Variants in ARHGAP22 observed in about 807,000 individuals in gnomAD.
ARHGAP22 encodes Rho GTPase activating protein 22, also known as rho GTPase-activating protein 22.
A neutral mutation model predicts 59.1 loss-of-function variants in ARHGAP22; 48 were observed. That is an observed-to-expected ratio of 0.81 (90% CI 0.64 to 1.03). The LOEUF (loss-of-function observed/expected upper bound fraction) is 1.03. Ranked by LOEUF, ARHGAP22 falls within the 50% of genes least tolerant of loss-of-function variation. The pLI, the probability that ARHGAP22 is intolerant of heterozygous loss-of-function variation, is 0.00. For synonymous variants in ARHGAP22, 445 were observed against 416.4 expected, an observed-to-expected ratio of 1.07 and a Z score of -0.84; for missense variants, 1,015 against 958.7, an observed-to-expected ratio of 1.06 and a Z score of -0.78.
chr10:48,447,411 G>A (rs1404129106), intron 9 of ARHGAP22, among the ~76,000 whole-genome samples: 3 of 152,222 alleles, frequency 2.0e-5, no homozygotes, highest in Non-Finnish European at 4.4e-5. Context: ...GTGAAATGCA[G>A]AGGGTAACTG....
At chr10:48,577,803 T>C (rs1053240844) in intron 2 of ARHGAP22, among the ~76,000 whole-genome samples, 2,908 of 34,520 alleles carry the variant, frequency 0.084, 208 homozygotes, top group African/African-American at 0.24. Flanking sequence ...CTTTTTTGGT[T>C]TTTTTTTTTT....
In ARHGAP22 at chr10:48,550,417, C is replaced by T. The variant is rs190300790; in HGVS notation, c.322+5046G>A. Among the ~76,000 whole-genome samples, 8 of 152,334 alleles carry T rather than the reference C, an allele frequency of 5.3e-5. No individual in the cohort carries two copies. The East Asian group carries it at 1.5e-3, about 29-fold the overall frequency. ...CTGACTGTTCACCAAACCAGCCTTG[C>T]CTTCCTCCTGGAAAGAGGTGGACTC... On this transcript the variant is annotated intron_variant, in intron 3 of 9. Coordinates refer to ENST00000249601, the MANE Select transcript of ARHGAP22 (RefSeq NM_021226.4).
intron 1 of ARHGAP22, among the ~76,000 whole-genome samples, chr10:48,587,478 C>CT (rs769648540): frequency 2.6e-5 from 4 of 152,112 alleles, no homozygotes; most frequent in South Asian, 2.1e-4. Context: ...AGTGCCTGGG[C>CT]TTTTTTTTGT....
At chr10:48,509,372 G>A (rs1048407767) in intron 3 of ARHGAP22, among the ~76,000 whole-genome samples, 38 of 152,380 alleles carry the variant, frequency 2.5e-4, no homozygotes, top group African/African-American at 9.1e-4. Flanking sequence ...GCAGAGGCCA[G>A]AACAGGATGC....
chr10:48,546,924 C>T lies in ARHGAP22; in HGVS notation c.322+8539G>A, dbSNP rs553397176. Among the ~76,000 whole-genome samples the T allele has an allele frequency of 1.1e-4, 16 of 152,288 alleles. 1 individual carries two copies. In the South Asian group the frequency reaches 3.1e-3, roughly 30 times the overall value. ...TGAATCCTCACCACAACCCAAGGTG[C>T]TTGGCAATATTCTCACCCCCAGTTT... On this transcript the variant is annotated intron_variant, in intron 3 of 9. Transcript: ENST00000249601.
At chr10:48,530,261 A>AAAAC in intron 3 of ARHGAP22, among the ~76,000 whole-genome samples, 1 of 141,996 alleles carries the variant, frequency 7.0e-6, no homozygotes, top group Non-Finnish European at 1.5e-5. Flanking sequence ...AAAAAAAAAA[A>AAAAC]TCAACTCAAG....
intron 9 of ARHGAP22, among the ~76,000 whole-genome samples, chr10:48,448,515 G>A (rs999911506): frequency 2.0e-5 from 3 of 152,188 alleles, no homozygotes; most frequent in Non-Finnish European, 4.4e-5. Flanking sequence ...GGGAATGCAC[G>A]AAGGAAGGCT....
At chr10:48,550,338 A>T (rs894218882) in intron 3 of ARHGAP22, among the ~76,000 whole-genome samples, 2 of 152,202 alleles carry the variant, frequency 1.3e-5, no homozygotes, top group Admixed American at 1.3e-4. Context: ...TGAGGGTAGG[A>T]AGGTGTCTTT....
chr10:48,472,788 A>G (rs902462959), intron 4 of ARHGAP22, among the ~76,000 whole-genome samples: 10 of 151,708 alleles, frequency 6.6e-5, no homozygotes, highest in Non-Finnish European at 8.8e-5. Flanking sequence ...ACAATGAGAT[A>G]ACACTTCATA....
At chr10:48,560,604 C>T (rs777280196) in intron 2 of ARHGAP22, among the ~76,000 whole-genome samples, 45 of 152,050 alleles carry the variant, frequency 3.0e-4, no homozygotes, top group Non-Finnish European at 4.0e-4. Context: ...AGCTTTTAGT[C>T]TTTCACCATA....
Position 48,460,095 on chromosome 10 carries a change from C to T in ARHGAP22, c.452-204G>A, listed in dbSNP as rs570004004. ...GAGGATGCACACCAGGAGGCTGGGC[C>T]CTGGGCTGCCTGTGGACAGACAGCA... On this transcript the variant is annotated intron_variant, in intron 4 of 9. Coordinates refer to ENST00000249601, the MANE Select transcript of ARHGAP22 (RefSeq NM_021226.4). Among the ~76,000 whole-genome samples the T allele has an allele frequency of 3.3e-5, 5 of 152,270 alleles. No individual in the cohort carries two copies. The East Asian group carries it at 7.7e-4, about 24-fold the overall frequency.
At position 48,450,788 on chromosome 10, in the gene ARHGAP22, T is replaced by G. The variant is rs750976184; in HGVS notation, c.1341A>C (p.Ser447=). ...SLSGSPKGGG[S]SLEVPIISSG... is the part of the protein sequence containing the mutation. ...AGGAGATGATGGGCACCTCCAGGGA[T>G]GAGCCGCCCCCCTTCGGGCTTCCCG... Residue 447 remains serine (S), a synonymous_variant, in exon 9 of 10, where the codon TCA becomes TCC. Coordinates refer to ENST00000249601, the MANE Select transcript of ARHGAP22 (RefSeq NM_021226.4). 6.4e-7 allele frequency: 1 copy of G among 1,569,228 alleles called. No individual in the cohort carries two copies. Among genetic ancestry groups the G allele is most frequent in the Admixed American group, 1.8e-5 (1 of 54,578 alleles).
intron 3 of ARHGAP22, among the ~76,000 whole-genome samples, chr10:48,515,771 G>A (rs965136817): frequency 7.9e-5 from 12 of 152,144 alleles, no homozygotes; most frequent in Non-Finnish European, 1.8e-4. Context: ...AATAAAAAAG[G>A]ACATTTGAGA....
upstream of ARHGAP22, among the ~76,000 whole-genome samples, chr10:48,608,371 C>T (rs781244103): frequency 1.3e-5 from 2 of 152,130 alleles, no homozygotes; most frequent in East Asian, 1.9e-4. Context: ...TTGGCAAAGC[C>T]CTGTGTTCCA....
rs1299810053 is a variant in ARHGAP22 at position 48,582,963 on chromosome 10, A to T, written c.224T>A (p.Ile75Asn). The T allele has an allele frequency of 6.2e-7, 1 of 1,614,116 alleles. No individual in the cohort carries two copies. The highest frequency in any genetic ancestry group is 8.5e-7 in the Non-Finnish European group (1 of 1,180,040). The change falls in exon 2 of 10, where the codon ATC becomes AAC. Residue 75 changes from isoleucine to asparagine, a missense_variant. Transcript: ENST00000249601. Reference sequence around the variant, plus strand: ...ACATGCACTTCTCACCTGGGGCTTGATCTCATCTTTGTCCTTGTAGTAGAA... The same window carrying T: ...ACATGCACTTCTCACCTGGGGCTTGTTCTCATCTTTGTCCTTGTAGTAGAA... ...QLFYYKDKDE[I>N]KPQGFISLQG... is the part of the protein sequence containing the mutation.
At chr10:48,622,316 T>C (rs1024009345) in intron 1 of ARHGAP22, among the ~76,000 whole-genome samples, 18 of 152,202 alleles carry the variant, frequency 1.2e-4, no homozygotes, top group Non-Finnish European at 1.5e-5. Flanking sequence ...GTTATTTTCT[T>C]AGTGGTTGCC....
At chr10:48,508,673 C>A (rs764312023) in intron 3 of ARHGAP22, among the ~76,000 whole-genome samples, 9 of 152,236 alleles carry the variant, frequency 5.9e-5, no homozygotes, top group Non-Finnish European at 1.2e-4. Context: ...ACACCCGCAT[C>A]CTGCAGGGCC....
chr10:48,638,164 C>T (rs990636467), intron 1 of ARHGAP22, among the ~76,000 whole-genome samples: 4 of 152,196 alleles, frequency 2.6e-5, no homozygotes, highest in Non-Finnish European at 4.4e-5. Flanking sequence ...GGTCTGGTAG[C>T]TGCTTCGTAA....
At chr10:48,634,995 C>T (rs890235943) in intron 1 of ARHGAP22, among the ~76,000 whole-genome samples, 11 of 152,130 alleles carry the variant, frequency 7.2e-5, no homozygotes, top group Non-Finnish European at 1.6e-4. Flanking sequence ...CTTAGACTTC[C>T]AGCCTCCAGA....
Sources: gnomAD v4.1 joint callset for allele counts (sites outside exome capture counted in the v4.1 genomes callset) on GRCh38, gnomAD v4.1.1 for gene constraint, MANE v1.5 for transcripts, NCBI Gene and HGNC (gene_info 2026-07-23, HGNC 2026-07-21) for gene names.